Variants in ITSN1 observed in about 807,000 individuals in gnomAD.
ITSN1 encodes the protein intersectin-1.
A neutral mutation model predicts 239.8 loss-of-function variants in ITSN1; 58 were observed. The ratio of observed to expected loss-of-function variants is 0.24; its 90% CI spans 0.20 to 0.30. ITSN1 has a LOEUF of 0.30. ITSN1 is among the 10% of genes least tolerant of loss of function. The probability of loss-of-function intolerance (pLI) is 1.00; values close to 1 mark genes in which losing one functional copy is unlikely to be tolerated. For missense variants in ITSN1, 1,558 were observed against 2,103.3 expected (o/e 0.74, Z 5.07); for synonymous variants, 780 against 770.8 (o/e 1.01, Z -0.20).
intron 8 of ITSN1, among the ~76,000 whole-genome samples, chr21:33,761,036 CTT>C (rs765976928): frequency 5.2e-5 from 7 of 134,022 alleles, no homozygotes; most frequent in Admixed American, 1.5e-4. Flanking sequence ...AGGAATTCTT[CTT>C]TTTTTTTTTT....
At chr21:33,817,113 T>A (rs1434081925) in intron 22 of ITSN1, 9 of 1,160,980 alleles carry the variant, frequency 7.8e-6, no homozygotes, top group Non-Finnish European at 1.0e-5. Flanking sequence ...TTTGTTCTTG[T>A]CCATTCATAT....
At chr21:33,857,134 T>G (rs1467218368) in intron 30 of ITSN1, among the ~76,000 whole-genome samples, 1 of 152,176 alleles carries the variant, frequency 6.6e-6, no homozygotes, top group Non-Finnish European at 1.5e-5. Context: ...TCATGTGAAC[T>G]GAGAGTCTGG....
At chr21:33,849,985 G>C (rs1210462855) in intron 29 of ITSN1, among the ~76,000 whole-genome samples, 2 of 152,182 alleles carry the variant, frequency 1.3e-5, no homozygotes, top group East Asian at 3.8e-4. Flanking sequence ...CATAGAAGGG[G>C]CCTGGAATGA....
At chr21:33,822,037 C>T (rs2073709038) in intron 24 of ITSN1, among the ~76,000 whole-genome samples, 1 of 152,222 alleles carries the variant, frequency 6.6e-6, no homozygotes, top group African/African-American at 2.4e-5. Context: ...GTTACCAGCG[C>T]CTCAGGGCTA....
chr21:33,697,234 A>ATTTTTTTTTTT (rs11419453), intron 1 of ITSN1, among the ~76,000 whole-genome samples: 107 of 121,618 alleles, frequency 8.8e-4, no homozygotes, highest in Non-Finnish European at 1.1e-3. Context: ...CACCTGGCTA[A>ATTTTTTTTTTT]TTTTTTTTTT....
intron 29 of ITSN1, among the ~76,000 whole-genome samples, chr21:33,856,341 C>T (rs994536553): frequency 6.6e-5 from 10 of 152,134 alleles, no homozygotes; most frequent in Non-Finnish European, 1.2e-4. Context: ...TTCCTGGAGG[C>T]CGGAAGTCTA....
At chr21:33,735,414 A>G in intron 5 of ITSN1, 1 of 637,334 alleles carries the variant, frequency 1.6e-6, no homozygotes, top group African/African-American at 1.8e-5. Context: ...TCAAAATGAA[A>G]GCAGAGATGC....
At chr21:33,686,913 T>G (rs2091269679) in intron 1 of ITSN1, among the ~76,000 whole-genome samples, 1 of 152,246 alleles carries the variant, frequency 6.6e-6, no homozygotes, top group Non-Finnish European at 1.5e-5. Flanking sequence ...TTATCTGGTT[T>G]GGGTGGTTTT....
chr21:33,786,305 ATCGGTAGTCT>A (rs1166824328), intron 16 of ITSN1, among the ~76,000 whole-genome samples: 5 of 152,220 alleles, frequency 3.3e-5, no homozygotes, highest in African/African-American at 1.2e-4. Context: ...TTATTAAGAA[ATCGGTAGTCT>A]TCTCAGATCC....
chr21:33,672,875 C>G (rs1397696278), intron 1 of ITSN1, among the ~76,000 whole-genome samples: 1 of 152,146 alleles, frequency 6.6e-6, no homozygotes, highest in Non-Finnish European at 1.5e-5. Flanking sequence ...CCACGCCCTG[C>G]TAATTTTTGT....
intron 11 of ITSN1, among the ~76,000 whole-genome samples, chr21:33,771,516 T>G (rs138940894): frequency 6.6e-6 from 1 of 152,262 alleles, no homozygotes; most frequent in African/African-American, 2.4e-5. Flanking sequence ...CATTCTAAAT[T>G]TATAATTGAT....
At position 33,682,325 on chromosome 21, in the gene ITSN1, C is replaced by T. The variant is rs139370217; in HGVS notation, c.-32-36472C>T. ...CTGCCTCCCAGGTTCAAGCGATTCT[C>T]GCTTCTCAGCCTCCCTAGTAGCTGG... On this transcript the variant is annotated intron_variant, in intron 1 of 39. Transcript: ENST00000381318. Among the ~76,000 whole-genome samples, 580 of 151,556 alleles carry T rather than the reference C, an allele frequency of 3.8e-3. 6 individuals are homozygous for T. Among genetic ancestry groups the T allele is most frequent in the African/African-American group, 0.013 (543 of 41,316 alleles).
chr21:33,720,483 C>A (rs1182566721), intron 2 of ITSN1, among the ~76,000 whole-genome samples: 1 of 152,146 alleles, frequency 6.6e-6, no homozygotes, highest in Non-Finnish European at 1.5e-5. Flanking sequence ...GACATCTAGT[C>A]AGCCTAAGAG....
Position 33,848,158 on chromosome 21 carries a change from C to T in ITSN1, c.3662-8578C>T, listed in dbSNP as rs2075042163. 2.0e-5 allele frequency among the ~76,000 whole-genome samples: 3 copies of T among 152,262 alleles called. No homozygotes were observed. In the South Asian group the frequency reaches 6.2e-4, roughly 31 times the overall value. On this transcript the variant is annotated intron_variant, in intron 29 of 39. Coordinates refer to ENST00000381318, the MANE Select transcript of ITSN1 (RefSeq NM_003024.3). ...AGGGCTGAACTGTGTCCCTCAGATT[C>T]ACACGTTGAAGCCCAGGACATCAGA...
In ITSN1 at chr21:33,753,761, T is replaced by TAAAAAAAAA. The variant is rs760085854; in HGVS notation, c.624-1516_624-1508dup. Among the ~76,000 whole-genome samples, 613 of 81,734 alleles carry TAAAAAAAAA rather than the reference T, an allele frequency of 7.5e-3. 42 individuals are homozygous for TAAAAAAAAA. The highest frequency in any genetic ancestry group is 0.033 in the African/African-American group (574 of 17,548). The allele number at this position is 81,734 out of a possible 152,430, so 53.6% of individuals were successfully genotyped here. A position where few individuals can be genotyped will look rare whatever the true frequency, so the allele number is the denominator to read the frequency against. ...TGGGTGACACGGCAAGTCTCTTTCT[T>TAAAAAAAAA]AAAAAAAAAAAAAAAAAAAAAAAAA... On this transcript the variant is annotated intron_variant, in intron 7 of 39. Coordinates refer to ENST00000381318, the MANE Select transcript of ITSN1 (RefSeq NM_003024.3).
intron 14 of ITSN1, among the ~76,000 whole-genome samples, chr21:33,778,564 A>G (rs1034153534): frequency 1.8e-4 from 25 of 135,398 alleles, no homozygotes; most frequent in Non-Finnish European, 2.9e-4. Context: ...GTTGTTTATA[A>G]TATTCTCTTT....
chr21:33,675,652 T>C (rs2090548365), intron 1 of ITSN1, among the ~76,000 whole-genome samples: 1 of 152,224 alleles, frequency 6.6e-6, no homozygotes, highest in Non-Finnish European at 1.5e-5. Context: ...CACTAGTAGC[T>C]GTGTGCCTGT....
At chr21:33,862,799 G>A (rs1602633571) in intron 31 of ITSN1, among the ~76,000 whole-genome samples, 1 of 152,292 alleles carries the variant, frequency 6.6e-6, no homozygotes, top group East Asian at 1.9e-4. Flanking sequence ...GCATGCCTGA[G>A]TTTCCCCAAT....
intron 33 of ITSN1, among the ~76,000 whole-genome samples, chr21:33,869,058 C>A (rs1364759654): frequency 6.6e-6 from 1 of 152,110 alleles, no homozygotes; most frequent in East Asian, 1.9e-4. Flanking sequence ...TAAAGACAGG[C>A]CCAGTGCCTC....
Sources: allele counts gnomAD v4.1 joint callset (sites outside exome capture counted in the v4.1 genomes callset), GRCh38; gene constraint gnomAD v4.1.1; transcripts MANE v1.5; gene names NCBI Gene and HGNC (gene_info 2026-07-23, HGNC 2026-07-21).